PRELID2: variants seen among roughly 807,000 people sequenced by gnomAD.
PRELID2 encodes the protein PRELI domain-containing protein 2.
PRELID2 carries 25 observed loss-of-function variants against 28.4 expected under a neutral mutation model. The ratio of observed to expected loss-of-function variants is 0.88; its 90% CI spans 0.64 to 1.23. PRELID2 has a LOEUF of 1.23. Ranked by LOEUF, PRELID2 falls within the 50% of genes most tolerant of loss-of-function variation. PRELID2 has a pLI of 0.00. For synonymous variants in PRELID2, 76 were observed against 71.6 expected (o/e 1.06, Z -0.31); for missense variants, 201 against 214.4 (o/e 0.94, Z 0.39).
chr5:145,319,975 C>T, the PRELID2 span, among the ~76,000 whole-genome samples: 1 of 152,214 alleles, frequency 6.6e-6, no homozygotes, highest in Non-Finnish European at 1.5e-5. Flanking sequence ...ATTTAATAAA[C>T]TCAGTTCATC....
chr5:145,728,039 T>C (rs969532506), intron 1 of PRELID2, among the ~76,000 whole-genome samples: 8 of 152,200 alleles, frequency 5.3e-5, no homozygotes, highest in African/African-American at 1.7e-4. Context: ...CTTTGAGCCA[T>C]AGCTAATTTC....
At chr5:145,570,776 T>C (rs1458724789) in intron 1 of PRELID2, among the ~76,000 whole-genome samples, 1 of 152,206 alleles carries the variant, frequency 6.6e-6, no homozygotes, top group Admixed American at 6.5e-5. Flanking sequence ...CCCTAACTTA[T>C]TTTAAATGTA....
At chr5:145,535,740 T>G (rs754064427) in intron 1 of PRELID2, among the ~76,000 whole-genome samples, 3 of 151,924 alleles carry the variant, frequency 2.0e-5, no homozygotes, top group Non-Finnish European at 4.4e-5. Context: ...GATGAGCCAA[T>G]CATCCTCATC....
chr5:145,563,223 A>C (rs527268145), intron 1 of PRELID2, among the ~76,000 whole-genome samples: 2 of 152,330 alleles, frequency 1.3e-5, no homozygotes, highest in South Asian at 4.1e-4. Flanking sequence ...CCTTTTGTAC[A>C]AGGATTTCTA....
chr5:145,358,579 C>A, the PRELID2 span, among the ~76,000 whole-genome samples: 4 of 151,998 alleles, frequency 2.6e-5, no homozygotes, highest in African/African-American at 9.7e-5. Flanking sequence ...TAACTCTAGT[C>A]TCATGGATAA....
chr5:145,535,733 G>A (rs1344414357), intron 1 of PRELID2, among the ~76,000 whole-genome samples: 1 of 151,990 alleles, frequency 6.6e-6, no homozygotes, highest in East Asian at 1.9e-4. Flanking sequence ...CTCTAAAGAT[G>A]AGCCAATCAT....
chr5:145,660,004 C>T (rs923747608), intron 1 of PRELID2, among the ~76,000 whole-genome samples: 6 of 152,036 alleles, frequency 3.9e-5, no homozygotes, highest in East Asian at 3.9e-4. Context: ...CAGTGGCTAC[C>T]GTATATTGAG....
intron 1 of PRELID2, among the ~76,000 whole-genome samples, chr5:145,569,402 T>C (rs1036306146): frequency 6.6e-6 from 1 of 152,250 alleles, no homozygotes; most frequent in Non-Finnish European, 1.5e-5. Context: ...AACATAATTA[T>C]GTTGCTAGGA....
At chr5:145,718,937 TAAATA>T (rs1401284703) in intron 1 of PRELID2, among the ~76,000 whole-genome samples, 2 of 151,898 alleles carry the variant, frequency 1.3e-5, no homozygotes, top group Non-Finnish European at 2.9e-5. Flanking sequence ...ACTTTATAAA[TAAATA>T]AAATAAAAGC....
chr5:145,818,077 C>T lies in PRELID2; in HGVS notation c.208-23G>A, dbSNP rs368112030. The T allele has an allele frequency of 3.7e-6, 6 of 1,608,174 alleles. No homozygotes were observed. The African/African-American group carries it at 5.4e-5, about 14-fold the overall frequency. On this transcript the variant is annotated intron_variant, in intron 3 of 6. Transcript: ENST00000683046. Reference sequence around the variant, plus strand: ...CACCTGTCCAACAGAAAGAAAATGGCTTTTTCAATTTAGGAAGAGCAGGCA... The same window carrying T: ...CACCTGTCCAACAGAAAGAAAATGGTTTTTTCAATTTAGGAAGAGCAGGCA...
chr5:145,314,969 ATTTCT>A, the PRELID2 span, among the ~76,000 whole-genome samples: 1 of 149,324 alleles, frequency 6.7e-6, no homozygotes, highest in Admixed American at 6.7e-5. Context: ...ATGGCTTATG[ATTTCT>A]TTTGTTTTTT....
At chr5:145,670,970 T>C (rs960151846) in intron 1 of PRELID2, among the ~76,000 whole-genome samples, 5 of 152,214 alleles carry the variant, frequency 3.3e-5, no homozygotes, top group African/African-American at 7.2e-5. Context: ...GTTAGCTACA[T>C]AACCTCTCTG....
At chr5:145,429,331 CG>C in the PRELID2 span, among the ~76,000 whole-genome samples, 1 of 152,062 alleles carries the variant, frequency 6.6e-6, no homozygotes. Context: ...GAGAAAGAAA[CG>C]AGGCCAAGAT....
At chr5:145,329,264 G>A in the PRELID2 span, among the ~76,000 whole-genome samples, 2 of 152,058 alleles carry the variant, frequency 1.3e-5, no homozygotes, top group East Asian at 1.9e-4. Flanking sequence ...GCTATAAGCG[G>A]TCTTCTTTGG....
At chr5:145,700,598 TA>T (rs1755383401) in intron 1 of PRELID2, among the ~76,000 whole-genome samples, 1 of 152,262 alleles carries the variant, frequency 6.6e-6, no homozygotes, top group African/African-American at 2.4e-5. Flanking sequence ...TTCTTATTGG[TA>T]GATGCCCAAG....
chr5:145,638,177 C>T (rs145893279), intron 1 of PRELID2, among the ~76,000 whole-genome samples: 1 of 152,100 alleles, frequency 6.6e-6, no homozygotes, highest in East Asian at 1.9e-4. Context: ...GATATTGGTA[C>T]TACTACTACT....
intron 1 of PRELID2, among the ~76,000 whole-genome samples, chr5:145,646,888 G>A (rs1328493328): frequency 6.6e-6 from 1 of 152,204 alleles, no homozygotes; most frequent in Non-Finnish European, 1.5e-5. Flanking sequence ...CCTTCCTCTG[G>A]AAGCTTTGTC....
intron 5 of PRELID2, among the ~76,000 whole-genome samples, chr5:145,789,879 T>C (rs2149807482): frequency 6.6e-6 from 1 of 151,684 alleles, no homozygotes; most frequent in African/African-American, 2.4e-5. Context: ...GGCCAACAGG[T>C]ATATGAAAAA....
chr5:145,590,831 C>A (rs999716900), intron 1 of PRELID2, among the ~76,000 whole-genome samples: 1 of 152,124 alleles, frequency 6.6e-6, no homozygotes, highest in Non-Finnish European at 1.5e-5. Flanking sequence ...ATGCCCCCCA[C>A]TGACATTAAT....
Sources: allele counts gnomAD v4.1 joint callset (sites outside exome capture counted in the v4.1 genomes callset), GRCh38; gene constraint gnomAD v4.1.1; transcripts MANE v1.5; gene names NCBI Gene and HGNC (gene_info 2026-07-23, HGNC 2026-07-21).